The following RNF216 variants were observed in gnomAD, a reference collection of about 807,000 sequenced individuals.
RNF216 encodes the protein E3 ubiquitin-protein ligase RNF216.
A neutral mutation model predicts 110.8 loss-of-function variants in RNF216; 72 were observed. That is an observed-to-expected ratio of 0.65 (90% CI 0.54 to 0.79). The LOEUF (loss-of-function observed/expected upper bound fraction) is 0.79. Among genes scored for constraint, RNF216 ranks in the 30% least tolerant of loss-of-function variants. RNF216 has a pLI of 0.00. For synonymous variants in RNF216, 495 were observed against 407.5 expected, an observed-to-expected ratio of 1.21 and a Z score of -2.59; for missense variants, 1,342 against 1,141.2, an observed-to-expected ratio of 1.18 and a Z score of -2.54.
At chr7:5,645,614 CAG>C (rs921524176) in intron 14 of RNF216, among the ~76,000 whole-genome samples, 2 of 150,108 alleles carry the variant, frequency 1.3e-5, no homozygotes, top group African/African-American at 4.9e-5. Context: ...TTTTTTGCAA[CAG>C]AGTCTTGCTC....
chr7:5,666,063 G>A (rs1789493837), intron 13 of RNF216, among the ~76,000 whole-genome samples: 1 of 152,004 alleles, frequency 6.6e-6, no homozygotes, highest in African/African-American at 2.4e-5. Flanking sequence ...CTACTCGGGA[G>A]GCTGAGGCAG....
In RNF216 at chr7:5,760,805, T is replaced by A. The variant is rs545692521; in HGVS notation, c.67+198A>T. On this transcript the variant is annotated intron_variant, in intron 2 of 16. Coordinates refer to ENST00000389902, the MANE Select transcript of RNF216 (RefSeq NM_207111.4). ...AATTAATAGCTTATTAATCCATTTGTAATGAATGAGTCTTACACTTCATTC... is the reference window on the plus strand; with the variant it reads ...AATTAATAGCTTATTAATCCATTTGAAATGAATGAGTCTTACACTTCATTC... 3.6e-4 allele frequency among the ~76,000 whole-genome samples: 55 copies of A among 152,360 alleles called. No individual in the cohort carries two copies. The South Asian group carries it at 0.01, about 29-fold the overall frequency.
At chr7:5,736,004 A>G (rs1295367954) in intron 5 of RNF216, among the ~76,000 whole-genome samples, 1 of 152,166 alleles carries the variant, frequency 6.6e-6, no homozygotes, top group East Asian at 1.9e-4. Context: ...GAGGCAGGAG[A>G]ATCACTTGAA....
intron 13 of RNF216, among the ~76,000 whole-genome samples, chr7:5,697,241 C>T (rs1388388414): frequency 6.6e-6 from 1 of 152,260 alleles, no homozygotes; most frequent in African/African-American, 2.4e-5. Context: ...CCATGTCGCT[C>T]ATGCAGAGCC....
At chr7:5,661,965 C>T in intron 13 of RNF216, among the ~76,000 whole-genome samples, 1 of 152,228 alleles carries the variant, frequency 6.6e-6, no homozygotes, top group African/African-American at 2.4e-5. Context: ...CTAGCGAAAG[C>T]AGGTCACTGT....
At chr7:5,743,215 T>C (rs566768270) in intron 3 of RNF216, among the ~76,000 whole-genome samples, 11 of 152,150 alleles carry the variant, frequency 7.2e-5, no homozygotes, top group African/African-American at 2.4e-4. Context: ...TGAGCCAAGA[T>C]GGTACCACAG....
intron 6 of RNF216, 76 bp from the exon 7 acceptor site, chr7:5,729,672 A>C: frequency 8.3e-7 from 1 of 1,204,892 alleles, no homozygotes; most frequent in Non-Finnish European, 1.2e-6. Context: ...TTTAAGAATT[A>C]CATGTGTAGA....
intron 1 of RNF216, among the ~76,000 whole-genome samples, chr7:5,775,636 G>T (rs570126142): frequency 6.6e-6 from 1 of 151,862 alleles, no homozygotes; most frequent in Non-Finnish European, 1.5e-5. Flanking sequence ...TTGAGAGGCC[G>T]AGGTGAGTGG....
At position 5,622,787 on chromosome 7, in the gene RNF216, C is replaced by T; in HGVS notation, c.*73G>A. 7.0e-7 allele frequency: 1 copy of T among 1,428,334 alleles called. No homozygotes were observed. Among genetic ancestry groups the T allele is most frequent in the East Asian group, 2.3e-5 (1 of 43,408 alleles). 88.5% of individuals were successfully genotyped at this position (1,428,334 alleles called of 1,614,324 possible). Reference sequence around the variant, plus strand: ...AGGATGCAATGGTACAGACACCAGCCTTGGGGGAGGGTTCTCCATCCACAC... The same window carrying T: ...AGGATGCAATGGTACAGACACCAGCTTTGGGGGAGGGTTCTCCATCCACAC... On this transcript the variant is annotated 3_prime_UTR_variant, in exon 17 of 17. Coordinates refer to ENST00000389902, the MANE Select transcript of RNF216 (RefSeq NM_207111.4).
chr7:5,741,190 C>T lies in RNF216; in HGVS notation c.827G>A (p.Arg276Lys), dbSNP rs761433343. ...AATCCCACCTTGCTGGGGTTCCGGCCTTGGAAAAGCGGGCCCTGGGAATTC... is the reference window on the plus strand; with the variant it reads ...AATCCCACCTTGCTGGGGTTCCGGCTTTGGAAAAGCGGGCCCTGGGAATTC... ...QHEFPGPAFP[R>K]PEPQQGGISG... The change falls in exon 4 of 17, where the codon AGG becomes AAG. Residue 276 changes from arginine to lysine, a missense_variant. Transcript: ENST00000389902. 1.2e-6 allele frequency: 2 copies of T among 1,613,944 alleles called. No homozygotes were observed. The highest frequency in any genetic ancestry group is 3.3e-5 in the Admixed American group (2 of 59,974).
chr7:5,642,337 C>T (rs1787789080), intron 14 of RNF216, among the ~76,000 whole-genome samples: 1 of 151,968 alleles, frequency 6.6e-6, no homozygotes, highest in South Asian at 2.1e-4. Context: ...CTTCAGTCTC[C>T]CAAGTAGCTG....
chr7:5,756,598 T>C (rs971184685), intron 2 of RNF216, among the ~76,000 whole-genome samples: 1 of 152,198 alleles, frequency 6.6e-6, no homozygotes, highest in South Asian at 2.1e-4. Flanking sequence ...TTTCCCCATG[T>C]TGGCTAGGCT....
intron 13 of RNF216, among the ~76,000 whole-genome samples, chr7:5,655,238 C>T (rs1408728571): frequency 2.0e-5 from 3 of 152,164 alleles, no homozygotes; most frequent in Non-Finnish European, 4.4e-5. Context: ...CCCTCTACGT[C>T]ACAGTGCTTC....
intron 2 of RNF216, among the ~76,000 whole-genome samples, chr7:5,759,080 C>A (rs997527217): frequency 1.3e-5 from 2 of 152,094 alleles, no homozygotes; most frequent in Non-Finnish European, 2.9e-5. Context: ...ACAGTGAGTT[C>A]TTGTGAGATC....
At chr7:5,627,026 C>T (rs1373686876) in intron 15 of RNF216, among the ~76,000 whole-genome samples, 1 of 152,194 alleles carries the variant, frequency 6.6e-6, no homozygotes, top group African/African-American at 2.4e-5. Context: ...CACTCTGCCT[C>T]ACCTCAACCT....
chr7:5,622,410 C>T lies in RNF216; in HGVS notation c.*450G>A, dbSNP rs1475185361. 1 of 160,420 alleles carries T rather than the reference C, an allele frequency of 6.2e-6. No homozygotes were observed. The highest frequency in any genetic ancestry group is 2.0e-4 in the South Asian group (1 of 5,114). 9.9% of individuals were successfully genotyped at this position (160,420 alleles called of 1,614,324 possible). A position where few individuals can be genotyped will look rare whatever the true frequency, so the allele number is the denominator to read the frequency against. ...TCTGCGGGCCATGGTCCCAGCCCCC[C>T]ACCCTGAGCAATGCTTCCCAGGCCC... On this transcript the variant is annotated 3_prime_UTR_variant, in exon 17 of 17. Transcript: ENST00000389902.
chr7:5,733,931 C>T (rs1794239119), intron 5 of RNF216, among the ~76,000 whole-genome samples: 2 of 152,134 alleles, frequency 1.3e-5, no homozygotes, highest in African/African-American at 4.8e-5. Context: ...AAAATGTAGT[C>T]ATTGCTGCTC....
chr7:5,738,320 G>A (rs1351709834), intron 5 of RNF216, among the ~76,000 whole-genome samples: 3 of 152,004 alleles, frequency 2.0e-5, no homozygotes, highest in Non-Finnish European at 4.4e-5. Flanking sequence ...TGAATTCCTG[G>A]ACTCAGGCAA....
chr7:5,763,852 T>A (rs1337997177), intron 1 of RNF216, among the ~76,000 whole-genome samples: 2 of 152,040 alleles, frequency 1.3e-5, no homozygotes, highest in East Asian at 1.9e-4. Context: ...CGATTACAGG[T>A]GTGAACCACC....
Sources: allele counts gnomAD v4.1 joint callset (sites outside exome capture counted in the v4.1 genomes callset), GRCh38; gene constraint gnomAD v4.1.1; transcripts MANE v1.5; gene names NCBI Gene and HGNC (gene_info 2026-07-23, HGNC 2026-07-21).